PBX4: variants seen among roughly 807,000 people sequenced by gnomAD.
PBX4 encodes the protein PBX homeobox 4.
Under a neutral mutation model 35.1 loss-of-function variants are expected in PBX4, and 26 were observed. That is an observed-to-expected ratio of 0.74 (90% CI 0.54 to 1.03). The LOEUF is 1.03. Ranked by LOEUF, PBX4 falls within the 50% of genes least tolerant of loss-of-function variation. The pLI is 0.00. For synonymous variants in PBX4, 199 were observed against 204.2 expected, an observed-to-expected ratio of 0.97 and a Z score of 0.22; for missense variants, 448 against 504.3, an observed-to-expected ratio of 0.89 and a Z score of 1.07.
chr19:19,598,740 C>T (rs1009098949), intron 2 of PBX4, among the ~76,000 whole-genome samples: 1 of 151,936 alleles, frequency 6.6e-6, no homozygotes, highest in African/African-American at 2.4e-5. Flanking sequence ...TTATAAACTA[C>T]AAAATAAATC....
At chr19:19,568,030 T>TTATCCCTCAGGGAGCTCACATTCCATCAG (rs2061354355) in intron 5 of PBX4, among the ~76,000 whole-genome samples, 1 of 139,034 alleles carries the variant, frequency 7.2e-6, no homozygotes, top group Admixed American at 7.1e-5. Context: ...CACTCCATCT[T>TTATCCCTCAGGGAGCTCACATTCCATCAG]TATCCCTCAG....
At position 19,562,158 on chromosome 19, in the gene PBX4, A is replaced by G; in HGVS notation, c.1033-41T>C. 6.6e-7 allele frequency: 1 copy of G among 1,518,714 alleles called. No homozygotes were observed. Among genetic ancestry groups the G allele is most frequent in the African/African-American group, 1.4e-5 (1 of 72,872 alleles). 94.1% of individuals were successfully genotyped at this position (1,518,714 alleles called of 1,614,324 possible). A position where few individuals can be genotyped will look rare whatever the true frequency, so the allele number is the denominator to read the frequency against. The stretch of plus-strand genomic sequence containing the variant: ...CTGAGCATCAGAGTGGGTGGCCGTG[A>G]GACTGGTGACTACCCAGCCCACGTG... On this transcript the variant is annotated intron_variant, in intron 7 of 7. Coordinates refer to ENST00000251203, the MANE Select transcript of PBX4 (RefSeq NM_025245.3). The surrounding 1 kb of genome is among the most constrained non-coding windows in gnomAD (Gnocchi z 4.8).
chr19:19,580,448 C>T lies in PBX4; in HGVS notation c.194-9615G>A, dbSNP rs1043920204. Among the ~76,000 whole-genome samples, 3 of 152,176 alleles carry T rather than the reference C, an allele frequency of 2.0e-5. No individual in the cohort carries two copies. In the South Asian group the frequency reaches 6.2e-4, roughly 31 times the overall value. On this transcript the variant is annotated intron_variant, in intron 2 of 7. Transcript: ENST00000251203. ...CAGTGACCCTTAGAAAGAACGGGGC[C>T]ACTGGCCACAGTTCTGCCGGTGGGA... is the stretch of plus-strand genomic sequence containing the variant.
At chr19:19,595,304 G>A (rs1465067612) in intron 2 of PBX4, among the ~76,000 whole-genome samples, 1 of 152,128 alleles carries the variant, frequency 6.6e-6, no homozygotes, top group East Asian at 1.9e-4. Flanking sequence ...GTGTCTCCAG[G>A]GGGTGGATAC....
Position 19,570,231 on chromosome 19 carries a change from G to C in PBX4, c.510C>G (p.Ser170=), listed in dbSNP as rs765980884. 2.5e-6 allele frequency: 4 copies of C among 1,614,082 alleles called. No homozygotes were observed. Among genetic ancestry groups the C allele is most frequent in the South Asian group, 1.1e-5 (1 of 91,076 alleles). ...LQEQSRMRPV[S]PKEIERMVGA... is the part of the protein sequence containing the mutation. ...CGACCATGCGCTCAATCTCCTTAGGGGAGACAGGCCTCATCCTGCTCTGCT... is the reference window on the plus strand; with the variant it reads ...CGACCATGCGCTCAATCTCCTTAGGCGAGACAGGCCTCATCCTGCTCTGCT... The change falls in exon 4 of 8, where the codon TCC becomes TCG. Residue 170 remains serine, a synonymous_variant. Coordinates refer to ENST00000251203, the MANE Select transcript of PBX4 (RefSeq NM_025245.3).
intron 2 of PBX4, among the ~76,000 whole-genome samples, chr19:19,590,762 C>A (rs1568390099): frequency 6.6e-6 from 1 of 152,140 alleles, no homozygotes; most frequent in Admixed American, 6.5e-5. Flanking sequence ...AGCCATGGCG[C>A]CTGGACACAC....
chr19:19,579,479 G>A (rs2061440157), intron 2 of PBX4, among the ~76,000 whole-genome samples: 1 of 152,182 alleles, frequency 6.6e-6, no homozygotes, highest in Non-Finnish European at 1.5e-5. Flanking sequence ...AGGCTCAGAG[G>A]GAACCCTCCT....
intron 2 of PBX4, among the ~76,000 whole-genome samples, chr19:19,576,116 G>A (rs144650200): frequency 2.0e-5 from 3 of 152,198 alleles, no homozygotes; most frequent in African/African-American, 4.8e-5. Flanking sequence ...GGGGCTGGGC[G>A]AGGTGGCTTA....
chr19:19,572,354 T>C (rs984115235), intron 2 of PBX4, among the ~76,000 whole-genome samples: 1 of 151,698 alleles, frequency 6.6e-6, no homozygotes, highest in South Asian at 2.1e-4. Flanking sequence ...ATTACAGGCA[T>C]GACCCACCGT....
chr19:19,585,924 C>T (rs1180772202), intron 2 of PBX4, among the ~76,000 whole-genome samples: 9 of 152,194 alleles, frequency 5.9e-5, no homozygotes, highest in Admixed American at 5.9e-4. Flanking sequence ...AAATAAACAG[C>T]CATGTTGCTC....
At chr19:19,611,451 C>T (rs890479580) in intron 1 of PBX4, among the ~76,000 whole-genome samples, 21 of 151,744 alleles carry the variant, frequency 1.4e-4, no homozygotes, top group African/African-American at 4.8e-4. Flanking sequence ...GAGGCCGAGG[C>T]GGGCAGATCA....
Position 19,561,915 on chromosome 19 carries a change from C to A in PBX4, c.*110G>T. 5 of 887,808 alleles carry A rather than the reference C, an allele frequency of 5.6e-6. No homozygotes were observed. The highest frequency in any genetic ancestry group is 8.4e-6 in the Non-Finnish European group (5 of 593,920). 55.0% of individuals were successfully genotyped at this position (887,808 alleles called of 1,614,324 possible). A position where few individuals can be genotyped will look rare whatever the true frequency, so the allele number is the denominator to read the frequency against. Reference sequence around the variant, plus strand: ...CTGAGGAGCAGGGGCTCATGGGCACCACCACCCATCTGGGTTTTCTGAGGT... The same window carrying A: ...CTGAGGAGCAGGGGCTCATGGGCACAACCACCCATCTGGGTTTTCTGAGGT... On this transcript the variant is annotated 3_prime_UTR_variant, in exon 8 of 8. Transcript: ENST00000251203.
At chr19:19,574,330 T>C (rs908479023) in intron 2 of PBX4, among the ~76,000 whole-genome samples, 35 of 152,334 alleles carry the variant, frequency 2.3e-4, no homozygotes, top group East Asian at 1.9e-4. Flanking sequence ...TGTCTCTTCA[T>C]AGACGCCCTC....
chr19:19,609,847 T>A (rs1198331522), intron 1 of PBX4, among the ~76,000 whole-genome samples: 1 of 151,670 alleles, frequency 6.6e-6, no homozygotes, highest in East Asian at 1.9e-4. Context: ...CGAGACTCCG[T>A]CTCAAAAAAA....
chr19:19,564,461 C>T (rs1002022861), intron 6 of PBX4, among the ~76,000 whole-genome samples: 2 of 152,106 alleles, frequency 1.3e-5, no homozygotes, highest in African/African-American at 4.8e-5. Flanking sequence ...GATGGGGTTT[C>T]ACTGTGTTAG....
At chr19:19,571,194 AGG>A (rs1712631799) in intron 2 of PBX4, among the ~76,000 whole-genome samples, 3 of 152,096 alleles carry the variant, frequency 2.0e-5, no homozygotes. Flanking sequence ...GCTGGGGAAG[AGG>A]GGGCACCCAA....
At chr19:19,593,602 C>A (rs978342126) in intron 2 of PBX4, among the ~76,000 whole-genome samples, 4 of 152,178 alleles carry the variant, frequency 2.6e-5, no homozygotes, top group Admixed American at 2.6e-4. Flanking sequence ...TAAAAAGATA[C>A]CTGGACACTC....
intron 1 of PBX4, among the ~76,000 whole-genome samples, chr19:19,610,745 ACT>A (rs1435058747): frequency 2.6e-5 from 4 of 152,198 alleles, no homozygotes; most frequent in African/African-American, 4.8e-5. Flanking sequence ...ATAGAGCAAG[ACT>A]CTGTGTCAAA....
chr19:19,564,509 C>G (rs372077436), intron 6 of PBX4, among the ~76,000 whole-genome samples: 4 of 152,100 alleles, frequency 2.6e-5, no homozygotes, highest in South Asian at 2.1e-4. Flanking sequence ...GTGATCCGCC[C>G]GCCTCGGCCT....
Sources: allele counts gnomAD v4.1 joint callset (sites outside exome capture counted in the v4.1 genomes callset), GRCh38; gene constraint gnomAD v4.1.1; non-coding constraint Gnocchi (gnomAD v3.1); transcripts MANE v1.5; gene names NCBI Gene and HGNC (gene_info 2026-07-23, HGNC 2026-07-21).